H3C12: variants seen among roughly 807,000 people sequenced by gnomAD.
The protein encoded by H3C12 is histone H3.1.
In H3C12, 7 loss-of-function variants were observed where a neutral mutation model predicts 7.0. The ratio of observed to expected loss-of-function variants is 1.00; its 90% CI spans 0.57 to 1.87. The LOEUF (loss-of-function observed/expected upper bound fraction) is 1.87. Ranked by LOEUF, H3C12 falls within the 40% of genes most tolerant of loss-of-function variation. H3C12 has a pLI of 0.00. For missense variants in H3C12, 167 were observed against 191.4 expected, an observed-to-expected ratio of 0.87 and a Z score of 0.75; for synonymous variants, 100 against 78.5, an observed-to-expected ratio of 1.27 and a Z score of -1.45.
In H3C12 at chr6:27,890,564, G is replaced by C; in HGVS notation, c.229C>G (p.Gln77Glu). The change falls in exon 1 of 1, where the codon CAG becomes GAG. Residue 77 changes from glutamine (Q) to glutamate (E), a missense_variant. Physicochemically the swap from Gln to Glu is conservative, Grantham distance 29. Coordinates refer to ENST00000359303, the MANE Select transcript of H3C12 (RefSeq NM_003535.3). ...PFQRLVREIA[Q>E]DFKTDLRFQS... ...AAACGAAGGTCGGTTTTGAAATCCT[G>C]CGCGATTTCTCGCACCAGGCGCTGA... The C allele has an allele frequency of 6.2e-7, 1 of 1,614,232 alleles. No individual in the cohort carries two copies. The highest frequency in any genetic ancestry group is 8.5e-7 in the Non-Finnish European group (1 of 1,180,016).
Position 27,890,413 on chromosome 6 carries a change from A to G in H3C12, c.380T>C (p.Leu127Pro). ...RVTIMPKDIQ[L>P]ARRIRGERA ...TCGCTCGCCACGGATACGACGCGCA[A>G]GCTGGATGTCCTTAGGCATAATAGT... is the stretch of plus-strand genomic sequence containing the variant. The change falls in exon 1 of 1, where the codon CTT becomes CCT. Residue 127 changes from leucine to proline, a missense_variant. Physicochemically the swap from Leu to Pro is moderately conservative, Grantham distance 98. This residue lies in a region of H3C12 where 121 missense variants were observed against 112.5 expected (regional missense o/e 1.08). Coordinates refer to ENST00000359303, the MANE Select transcript of H3C12 (RefSeq NM_003535.3). 6.3e-7 allele frequency: 1 copy of G among 1,597,854 alleles called. No individual in the cohort carries two copies. Among genetic ancestry groups the G allele is most frequent in the Non-Finnish European group, 8.5e-7 (1 of 1,169,628 alleles).
rs764147200 is a variant in H3C12, at chr6:27,890,471, T to A, written c.322A>T (p.Thr108Ser). 20 of 1,614,130 alleles carry A rather than the reference T, an allele frequency of 1.2e-5. No individual in the cohort carries two copies. The highest frequency in any genetic ancestry group is 5.0e-5 in the Admixed American group (3 of 60,014). ...EAYLVGLFED[T>S]NLCAIHAKRV... is the part of the protein sequence containing the mutation. ...TTGGCGTGAATAGCACAGAGGTTGG[T>A]GTCTTCAAAGAGACCCACCAGATAG... The change falls in exon 1 of 1, where the codon ACC (threonine) becomes TCC (serine). Residue 108 changes from threonine to serine, a missense_variant. Thr to Ser is a moderately conservative substitution (Grantham distance 58, BLOSUM62 1). Around this residue, in one of 2 missense-constraint regions of H3C12, gnomAD observed 121 missense variants for 112.5 expected, o/e 1.08. Coordinates refer to ENST00000359303, the MANE Select transcript of H3C12 (RefSeq NM_003535.3).
Position 27,890,459 on chromosome 6 carries a change from C to G in H3C12, c.334G>C (p.Ala112Pro). The stretch of plus-strand genomic sequence containing the variant: ...ATAGTGACACGCTTGGCGTGAATAG[C>G]ACAGAGGTTGGTGTCTTCAAAGAGA... The part of the protein sequence containing the change: ...VGLFEDTNLC[A>P]IHAKRVTIMP... The change falls in exon 1 of 1, where the codon GCT (alanine) becomes CCT (proline). Residue 112 changes from alanine to proline, a missense_variant. Physicochemically the swap from Ala to Pro is conservative, Grantham distance 27. Around this residue, in one of 2 missense-constraint regions of H3C12, gnomAD observed 121 missense variants for 112.5 expected, o/e 1.08. Transcript: ENST00000359303. 1.2e-6 allele frequency: 2 copies of G among 1,614,110 alleles called. No individual in the cohort carries two copies. Among genetic ancestry groups the G allele is most frequent in the Non-Finnish European group, 8.5e-7 (1 of 1,179,928 alleles).
At position 27,890,417 on chromosome 6, in the gene H3C12, G is replaced by A. The variant is rs1426460223; in HGVS notation, c.376C>T (p.Gln126Ter). The change falls in exon 1 of 1, where the codon CAG becomes TAG. Residue 126 changes from glutamine to a stop codon, truncating the protein, a stop_gained. Coordinates refer to ENST00000359303, the MANE Select transcript of H3C12 (RefSeq NM_003535.3). LOFTEE classifies it high-confidence loss of function. ...KRVTIMPKDI[Q>*]LARRIRGERA ...TCGCCACGGATACGACGCGCAAGCT[G>A]GATGTCCTTAGGCATAATAGTGACA... is the stretch of plus-strand genomic sequence containing the variant. 1.2e-6 allele frequency: 2 copies of A among 1,600,436 alleles called. No individual in the cohort carries two copies. The highest frequency in any genetic ancestry group is 2.2e-5 in the East Asian group (1 of 44,634).
In H3C12 at chr6:27,890,619, C is replaced by A. The variant is rs1380699620; in HGVS notation, c.174G>T (p.Ser58=). The change falls in exon 1 of 1, where the codon TCG becomes TCT. Residue 58 remains serine, a synonymous_variant. Coordinates refer to ENST00000359303, the MANE Select transcript of H3C12 (RefSeq NM_003535.3). ...ALREIRRYQK[S]TELLIRKLPF... ...GCAGTTTGCGGATGAGCAGCTCAGT[C>A]GACTTCTGATAACGGCGGATCTCAC... 6.2e-7 allele frequency: 1 copy of A among 1,614,094 alleles called. No individual in the cohort carries two copies. The highest frequency in any genetic ancestry group is 2.2e-5 in the East Asian group (1 of 44,900).
chr6:27,890,710 T>C lies in H3C12; in HGVS notation c.83A>G (p.Lys28Arg). Reference sequence around the variant, plus strand: ...CACACCGCCAGTCGCTGGAGCGCTTTTGCGCGCTGCCTTGGTGGCCAGCTG... The same window carrying C: ...CACACCGCCAGTCGCTGGAGCGCTTCTGCGCGCTGCCTTGGTGGCCAGCTG... ...RKQLATKAAR[K>R]SAPATGGVKK... The change falls in exon 1 of 1, where the codon AAA becomes AGA. Residue 28 changes from lysine (K) to arginine (R), a missense_variant. Around this residue, in one of 2 missense-constraint regions of H3C12, gnomAD observed 46 missense variants for 78.9 expected, o/e 0.58. Coordinates refer to ENST00000359303, the MANE Select transcript of H3C12 (RefSeq NM_003535.3). The C allele has an allele frequency of 6.2e-7, 1 of 1,614,120 alleles. No individual in the cohort carries two copies. The highest frequency in any genetic ancestry group is 8.5e-7 in the Non-Finnish European group (1 of 1,180,000).
chr6:27,890,649 G>A lies in H3C12; in HGVS notation c.144C>T (p.Ala48=), dbSNP rs774511058. Residue 48 remains alanine (A), a synonymous_variant, in exon 1 of 1, where the codon GCC becomes GCT. Transcript: ENST00000359303. The part of the protein sequence containing the change: ...KPHRYRPGTV[A]LREIRRYQKS... ...TCTGATAACGGCGGATCTCACGCAA[G>A]GCCACGGTGCCTGGCCTGTAGCGGT... The A allele has an allele frequency of 7.4e-6, 12 of 1,614,214 alleles. No individual in the cohort carries two copies. The South Asian group carries it at 7.7e-5, about 10-fold the overall frequency.
Position 27,890,613 on chromosome 6 carries a change from C to T in H3C12, c.180G>A (p.Glu60=). The change falls in exon 1 of 1, where the codon GAG becomes GAA. Residue 60 remains glutamate, a synonymous_variant. Coordinates refer to ENST00000359303, the MANE Select transcript of H3C12 (RefSeq NM_003535.3). ...REIRRYQKST[E]LLIRKLPFQR... ...GAAATGGCAGTTTGCGGATGAGCAG[C>T]TCAGTCGACTTCTGATAACGGCGGA... 3 of 1,614,212 alleles carry T rather than the reference C, an allele frequency of 1.9e-6. No individual in the cohort carries two copies. Among genetic ancestry groups the T allele is most frequent in the Non-Finnish European group, 2.5e-6 (3 of 1,180,008 alleles).
Position 27,890,633 on chromosome 6 carries a change from G to C in H3C12, c.160C>G (p.Arg54Gly). 6.2e-7 allele frequency: 1 copy of C among 1,614,230 alleles called. No individual in the cohort carries two copies. The highest frequency in any genetic ancestry group is 8.5e-7 in the Non-Finnish European group (1 of 1,180,024). ...AGCAGCTCAGTCGACTTCTGATAAC[G>C]GCGGATCTCACGCAAGGCCACGGTG... The part of the protein sequence containing the change: ...PGTVALREIR[R>G]YQKSTELLIR... Residue 54 changes from arginine to glycine, a missense_variant, in exon 1 of 1, where the codon CGT (arginine) becomes GGT (glycine). Arg to Gly is a moderately radical substitution (Grantham distance 125). Around this residue, in one of 2 missense-constraint regions of H3C12, gnomAD observed 46 missense variants for 78.9 expected, o/e 0.58. Transcript: ENST00000359303.
Position 27,890,379 on chromosome 6 carries a change from G to T in H3C12, c.*3C>A. 6.4e-7 allele frequency: 1 copy of T among 1,569,998 alleles called. No homozygotes were observed. On this transcript the variant is annotated 3_prime_UTR_variant, in exon 1 of 1. Transcript: ENST00000359303. ...ATTAAGAAACCCAAGATAGAGCAGG[G>T]GATTATGCTCGCTCGCCACGGATAC...
rs1480168103 is a variant in H3C12 at position 27,890,494 on chromosome 6, T to A, written c.299A>T (p.Tyr100Phe). The change falls in exon 1 of 1, where the codon TAT becomes TTT. Residue 100 changes from tyrosine to phenylalanine, a missense_variant. Physicochemically the swap from Tyr to Phe is conservative, Grantham distance 22. Transcript: ENST00000359303. ...GGTGTCTTCAAAGAGACCCACCAGA[T>A]AGGCCTCGCACGCCTCTTGCAGCGC... ...VMALQEACEA[Y>F]LVGLFEDTNL... The A allele has an allele frequency of 6.2e-7, 1 of 1,614,282 alleles. No individual in the cohort carries two copies. The highest frequency in any genetic ancestry group is 8.5e-7 in the Non-Finnish European group (1 of 1,180,050).
chr6:27,890,724 G>A lies in H3C12; in HGVS notation c.69C>T (p.Thr23=), dbSNP rs756694273. The change falls in exon 1 of 1, where the codon ACC becomes ACT. Residue 23 remains threonine (T), a synonymous_variant. Transcript: ENST00000359303. ...GGKAPRKQLA[T]KAARKSAPAT... ...CTGGAGCGCTTTTGCGCGCTGCCTT[G>A]GTGGCCAGCTGCTTCCGCGGTGCCT... 1.2e-6 allele frequency: 2 copies of A among 1,613,940 alleles called. No homozygotes were observed. The highest frequency in any genetic ancestry group is 8.5e-7 in the Non-Finnish European group (1 of 1,179,996).
Position 27,890,757 on chromosome 6 carries a change from G to C in H3C12, c.36C>G (p.Thr12=), listed in dbSNP as rs1424129813. 1.2e-6 allele frequency: 2 copies of C among 1,613,674 alleles called. No homozygotes were observed. The highest frequency in any genetic ancestry group is 1.7e-5 in the Admixed American group (1 of 59,890). The change falls in exon 1 of 1, where the codon ACC becomes ACG. Residue 12 remains threonine, a synonymous_variant. Coordinates refer to ENST00000359303, the MANE Select transcript of H3C12 (RefSeq NM_003535.3). Reference sequence around the variant, plus strand: ...GCTGCTTCCGCGGTGCCTTGCCGCCGGTAGACTTGCGAGCTGTCTGCTTCG... The same window carrying C: ...GCTGCTTCCGCGGTGCCTTGCCGCCCGTAGACTTGCGAGCTGTCTGCTTCG... ...ARTKQTARKS[T]GGKAPRKQLA... is the part of the protein sequence containing the mutation.
rs1167099325 is a variant in H3C12, at chr6:27,890,472, G to A, written c.321C>T (p.Asp107=). The A allele has an allele frequency of 1.2e-6, 2 of 1,614,124 alleles. No homozygotes were observed. The highest frequency in any genetic ancestry group is 8.5e-7 in the Non-Finnish European group (1 of 1,180,022). The change falls in exon 1 of 1, where the codon GAC becomes GAT. Residue 107 remains aspartate (D), a synonymous_variant. Coordinates refer to ENST00000359303, the MANE Select transcript of H3C12 (RefSeq NM_003535.3). ...TGGCGTGAATAGCACAGAGGTTGGT[G>A]TCTTCAAAGAGACCCACCAGATAGG... ...CEAYLVGLFE[D]TNLCAIHAKR... is the part of the protein sequence containing the mutation.
chr6:27,890,399 G>C lies in H3C12; in HGVS notation c.394C>G (p.Arg132Gly), dbSNP rs1199392510. 1 of 1,588,094 alleles carries C rather than the reference G, an allele frequency of 6.3e-7. No individual in the cohort carries two copies. Among genetic ancestry groups the C allele is most frequent in the Non-Finnish European group, 8.6e-7 (1 of 1,164,736 alleles). The change falls in exon 1 of 1, where the codon CGT becomes GGT. Residue 132 changes from arginine (R) to glycine (G), a missense_variant. Around this residue, in one of 2 missense-constraint regions of H3C12, gnomAD observed 121 missense variants for 112.5 expected, o/e 1.08. Coordinates refer to ENST00000359303, the MANE Select transcript of H3C12 (RefSeq NM_003535.3). ...PKDIQLARRIRGERA is the reference protein window; with the variant it reads ...PKDIQLARRIGGERA ...GCAGGGGATTATGCTCGCTCGCCAC[G>C]GATACGACGCGCAAGCTGGATGTCC...
rs756514133 is a variant in H3C12 at position 27,890,545 on chromosome 6, A to T, written c.248T>A (p.Leu83His). Residue 83 changes from leucine to histidine, a missense_variant, in exon 1 of 1, where the codon CTT (leucine) becomes CAT (histidine). Leu to His is a moderately conservative substitution (Grantham distance 99). Coordinates refer to ENST00000359303, the MANE Select transcript of H3C12 (RefSeq NM_003535.3). Reference sequence around the variant, plus strand: ...CATCACCGCCGAGCTCTGGAAACGAAGGTCGGTTTTGAAATCCTGCGCGAT... The same window carrying T: ...CATCACCGCCGAGCTCTGGAAACGATGGTCGGTTTTGAAATCCTGCGCGAT... ...REIAQDFKTDLRFQSSAVMAL... is the reference protein window; with the variant it reads ...REIAQDFKTDHRFQSSAVMAL... 6.2e-7 allele frequency: 1 copy of T among 1,614,266 alleles called. No homozygotes were observed. Among genetic ancestry groups the T allele is most frequent in the South Asian group, 1.1e-5 (1 of 91,090 alleles).
At position 27,890,712 on chromosome 6, in the gene H3C12, G is replaced by C. The variant is rs1169805813; in HGVS notation, c.81C>G (p.Arg27=). 2 of 1,613,978 alleles carry C rather than the reference G, an allele frequency of 1.2e-6. No individual in the cohort carries two copies. Among genetic ancestry groups the C allele is most frequent in the Non-Finnish European group, 1.7e-6 (2 of 1,180,000 alleles). ...PRKQLATKAA[R]KSAPATGGVK... is the part of the protein sequence containing the mutation. ...CACCGCCAGTCGCTGGAGCGCTTTT[G>C]CGCGCTGCCTTGGTGGCCAGCTGCT... Residue 27 remains arginine (R), a synonymous_variant, in exon 1 of 1, where the codon CGC becomes CGG. Transcript: ENST00000359303.
rs372622507 is a variant in H3C12, at chr6:27,890,602, C to T, written c.191G>A (p.Arg64His). ...CACCAGGCGCTGAAATGGCAGTTTG[C>T]GGATGAGCAGCTCAGTCGACTTCTG... ...RYQKSTELLI[R>H]KLPFQRLVRE... is the part of the protein sequence containing the mutation. The change falls in exon 1 of 1, where the codon CGC becomes CAC. Residue 64 changes from arginine to histidine, a missense_variant. Arg to His is a conservative substitution (Grantham distance 29). This residue lies in a region of H3C12 where 121 missense variants were observed against 112.5 expected (regional missense o/e 1.08). Coordinates refer to ENST00000359303, the MANE Select transcript of H3C12 (RefSeq NM_003535.3). 2 of 1,614,048 alleles carry T rather than the reference C, an allele frequency of 1.2e-6. No homozygotes were observed. Among genetic ancestry groups the T allele is most frequent in the African/African-American group, 1.3e-5 (1 of 74,950 alleles).
rs1761872192 is a variant in H3C12, at chr6:27,890,325, T to C, written c.*57A>G. On this transcript the variant is annotated 3_prime_UTR_variant, in exon 1 of 1. Transcript: ENST00000359303. ...TCCTCAGTGAGAATGTAAGTGGCTC[T>C]GAAAAGAGCCTTTGGAAGCTTGGAA... 4.0e-6 allele frequency: 6 copies of C among 1,490,138 alleles called. No homozygotes were observed. Among genetic ancestry groups the C allele is most frequent in the Non-Finnish European group, 4.5e-6 (5 of 1,110,480 alleles). The allele number at this position is 1,490,138 out of a possible 1,614,324, so 92.3% of individuals were successfully genotyped here.
Sources: gnomAD v4.1 joint callset for allele counts on GRCh38, gnomAD v4.1.1 for gene constraint, gnomAD v4.1.1 regional missense constraint, MANE v1.5 for transcripts, NCBI Gene and HGNC (gene_info 2026-07-23, HGNC 2026-07-21) for gene names.